The following SCHIP1 variants were observed in gnomAD, a reference collection of about 807,000 sequenced individuals.
SCHIP1 encodes schwannomin interacting protein 1.
In SCHIP1, 8 loss-of-function variants were observed where a neutral mutation model predicts 29.7. The observed-to-expected ratio is 0.27, with a 90% CI of 0.16 to 0.49. SCHIP1 has a LOEUF of 0.49. Ranked by LOEUF, SCHIP1 falls within the 20% of genes least tolerant of loss-of-function variation. The pLI is 0.99. For missense variants in SCHIP1, 193 were observed against 294.6 expected, an observed-to-expected ratio of 0.66 and a Z score of 2.52; for synonymous variants, 76 against 94.9, an observed-to-expected ratio of 0.80 and a Z score of 1.16.
At chr3:159,402,869 C>T in the SCHIP1 span, among the ~76,000 whole-genome samples, 3 of 151,908 alleles carry the variant, frequency 2.0e-5, no homozygotes, top group East Asian at 5.8e-4. Context: ...CAGCATGGCA[C>T]ATGTATACAT....
chr3:159,585,530 G>A, the SCHIP1 span, among the ~76,000 whole-genome samples: 1 of 152,130 alleles, frequency 6.6e-6, no homozygotes, highest in Admixed American at 6.6e-5. Flanking sequence ...AGAACTGTTT[G>A]TGTAAACTCC....
At chr3:159,368,595 T>C in the SCHIP1 span, among the ~76,000 whole-genome samples, 1 of 152,220 alleles carries the variant, frequency 6.6e-6, no homozygotes, top group Non-Finnish European at 1.5e-5. Flanking sequence ...TATTACTTCA[T>C]GAAATAAAAA....
At chr3:159,686,745 C>T in the SCHIP1 span, among the ~76,000 whole-genome samples, 1 of 152,150 alleles carries the variant, frequency 6.6e-6, no homozygotes, top group Non-Finnish European at 1.5e-5. Context: ...CTTATTTCTG[C>T]TGATAATGGA....
the SCHIP1 span, among the ~76,000 whole-genome samples, chr3:159,710,031 G>T: frequency 6.6e-6 from 1 of 152,116 alleles, no homozygotes; most frequent in Non-Finnish European, 1.5e-5. Context: ...ATAATATGGA[G>T]ATTCCTCCAA....
At chr3:159,385,894 G>A in the SCHIP1 span, among the ~76,000 whole-genome samples, 1 of 151,622 alleles carries the variant, frequency 6.6e-6, no homozygotes, top group Non-Finnish European at 1.5e-5. Flanking sequence ...CCCTCCCTGT[G>A]TCCACGTGTC....
chr3:159,444,749 C>T, the SCHIP1 span, among the ~76,000 whole-genome samples: 2 of 152,098 alleles, frequency 1.3e-5, no homozygotes, highest in East Asian at 1.9e-4. Context: ...GACTCCAGAA[C>T]GATTTCTCAG....
chr3:159,531,114 G>T, the SCHIP1 span, among the ~76,000 whole-genome samples: 1 of 152,168 alleles, frequency 6.6e-6, no homozygotes, highest in Non-Finnish European at 1.5e-5. Flanking sequence ...GATAATGGAG[G>T]TTGGATATTT....
At chr3:159,361,574 A>T in the SCHIP1 span, among the ~76,000 whole-genome samples, 4 of 152,338 alleles carry the variant, frequency 2.6e-5, no homozygotes, top group African/African-American at 9.6e-5. Context: ...TGAGAAGACA[A>T]AATGCTTGAT....
the SCHIP1 span, among the ~76,000 whole-genome samples, chr3:159,624,917 C>A: frequency 6.6e-6 from 1 of 152,146 alleles, no homozygotes. Context: ...GGTTTATACC[C>A]TCTAAAACCC....
chr3:159,860,915 T>C (rs2109207660), intron 1 of SCHIP1, among the ~76,000 whole-genome samples: 1 of 152,252 alleles, frequency 6.6e-6, no homozygotes, highest in Non-Finnish European at 1.5e-5. Flanking sequence ...TGACAGGCCC[T>C]TTCCGGCTCT....
At chr3:159,528,928 G>A in the SCHIP1 span, among the ~76,000 whole-genome samples, 1 of 152,130 alleles carries the variant, frequency 6.6e-6, no homozygotes, top group Non-Finnish European at 1.5e-5. Context: ...TTTTCTATGT[G>A]CACATGACAA....
the SCHIP1 span, among the ~76,000 whole-genome samples, chr3:159,400,520 T>C: frequency 1.3e-5 from 2 of 152,250 alleles, no homozygotes; most frequent in African/African-American, 4.8e-5. Context: ...AAGAGTTAAA[T>C]AGCTGGACTC....
At chr3:159,688,602 T>C in the SCHIP1 span, among the ~76,000 whole-genome samples, 2 of 152,222 alleles carry the variant, frequency 1.3e-5, no homozygotes, top group Non-Finnish European at 2.9e-5. Flanking sequence ...TTTTGTTTAA[T>C]TAGATCCCAT....
chr3:159,471,674 A>G, the SCHIP1 span, among the ~76,000 whole-genome samples: 1 of 152,276 alleles, frequency 6.6e-6, no homozygotes, highest in South Asian at 2.1e-4. Flanking sequence ...TTATTATTGT[A>G]CAATGCAATG....
upstream of SCHIP1, among the ~76,000 whole-genome samples, chr3:159,839,331 A>C (rs1376031484): frequency 1.3e-5 from 2 of 151,934 alleles, no homozygotes; most frequent in Non-Finnish European, 2.9e-5. Context: ...AGTTTTCATG[A>C]AGTAAATTAT....
chr3:159,607,329 AT>A, the SCHIP1 span, among the ~76,000 whole-genome samples: 12 of 151,630 alleles, frequency 7.9e-5, no homozygotes, highest in Admixed American at 7.9e-4. Flanking sequence ...ATCTGGCAGA[AT>A]TTTTTTTTGC....
chr3:159,564,470 G>A, the SCHIP1 span, among the ~76,000 whole-genome samples: 1 of 151,850 alleles, frequency 6.6e-6, no homozygotes, highest in Non-Finnish European at 1.5e-5. Flanking sequence ...TCTGCCTCCC[G>A]AGTTCAAGTG....
At chr3:159,692,124 T>C in the SCHIP1 span, among the ~76,000 whole-genome samples, 1 of 149,542 alleles carries the variant, frequency 6.7e-6, no homozygotes, top group Non-Finnish European at 1.5e-5. Flanking sequence ...CGCTTCCCGG[T>C]AACCCGACCT....
the SCHIP1 span, chr3:159,765,081 G>T: frequency 6.4e-7 from 1 of 1,570,552 alleles, no homozygotes; most frequent in Non-Finnish European, 8.6e-7. Flanking sequence ...TGGCCGGGCT[G>T]CAGTTCCGGG....
Sources: gnomAD v4.1 joint callset for allele counts (sites outside exome capture counted in the v4.1 genomes callset) on GRCh38, gnomAD v4.1.1 for gene constraint, MANE v1.5 for transcripts, NCBI Gene and HGNC (gene_info 2026-07-23, HGNC 2026-07-21) for gene names.